Variants in GCNT1 observed in about 807,000 individuals in gnomAD.
The protein encoded by GCNT1 is glucosaminyl (N-acetyl) transferase 1.
Under a neutral mutation model 26.2 loss-of-function variants are expected in GCNT1, and 16 were observed. That is an observed-to-expected ratio of 0.61 (90% CI 0.41 to 0.93). The LOEUF is 0.93. GCNT1 is among the 40% of genes least tolerant of loss of function. The pLI is 0.00. For missense variants in GCNT1, 477 were observed against 526.7 expected, an observed-to-expected ratio of 0.91 and a Z score of 0.92; for synonymous variants, 183 against 190.8, an observed-to-expected ratio of 0.96 and a Z score of 0.34.
chr9:76,476,663 T>C (rs75825401), intron 2 of GCNT1, among the ~76,000 whole-genome samples: 3,798 of 152,300 alleles, frequency 0.025, 156 homozygotes, highest in African/African-American at 0.086. Context: ...GGACAGGTTT[T>C]TTCCATGTAA....
At chr9:76,494,242 G>A (rs587171) in intron 2 of GCNT1, among the ~76,000 whole-genome samples, 2 of 152,072 alleles carry the variant, frequency 1.3e-5, no homozygotes, top group East Asian at 1.9e-4. Flanking sequence ...GCACCCTTGC[G>A]TATTCTCCTG....
chr9:76,400,641 A>G, the GCNT1 span, among the ~76,000 whole-genome samples: 3 of 152,300 alleles, frequency 2.0e-5, no homozygotes, highest in East Asian at 5.8e-4. Context: ...CAATTCCTCT[A>G]ACTCACTCTT....
rs5898483 is a variant in GCNT1, at chr9:76,505,636, C to CAGT, written c.*1971_*1973dup. ...TTGCAAATCTACAGCAAAAGTAAAACAGTAGAGTGAACACCATGTAACCCT... is the reference window on the plus strand; with the variant it reads ...TTGCAAATCTACAGCAAAAGTAAAACAGTAGTAGAGTGAACACCATGTAACCCT... On this transcript the variant is annotated 3_prime_UTR_variant, in exon 4 of 4. Coordinates refer to ENST00000376730, the MANE Select transcript of GCNT1 (RefSeq NM_001490.5). 0.42 allele frequency: 70,024 copies of CAGT among 166,628 alleles called. 15,858 individuals carry two copies. Among genetic ancestry groups the CAGT allele is most frequent in the African/African-American group, 0.59 (24,530 of 41,318 alleles). 10.3% of individuals were successfully genotyped at this position (166,628 alleles called of 1,614,324 possible). A position where few individuals can be genotyped will look rare whatever the true frequency, so the allele number is the denominator to read the frequency against.
chr9:76,467,331 C>T (rs904100086), intron 2 of GCNT1, among the ~76,000 whole-genome samples: 1 of 152,158 alleles, frequency 6.6e-6, no homozygotes. Flanking sequence ...CGTGAGCCAC[C>T]TCACCCAGCC....
intron 1 of GCNT1, among the ~76,000 whole-genome samples, chr9:76,447,317 GCAGCCT>G (rs1443554776): frequency 1.3e-5 from 2 of 151,482 alleles, no homozygotes; most frequent in Non-Finnish European, 2.9e-5. Context: ...ACCACTCACT[GCAGCCT>G]CAACCTCCCG....
At chr9:76,398,901 T>C in the GCNT1 span, 1 of 1,544,858 alleles carries the variant, frequency 6.5e-7, no homozygotes, top group Non-Finnish European at 8.8e-7. Context: ...ATTGTTGCCA[T>C]TGAAAACCCT....
intron 2 of GCNT1, among the ~76,000 whole-genome samples, chr9:76,488,397 A>G (rs1824639237): frequency 1.3e-5 from 2 of 151,416 alleles, no homozygotes. Context: ...AAATTACTGT[A>G]TGTTTTGTTT....
intron 1 of GCNT1, among the ~76,000 whole-genome samples, chr9:76,434,065 G>T (rs1823372124): frequency 6.6e-6 from 1 of 152,202 alleles, no homozygotes; most frequent in African/African-American, 2.4e-5. Flanking sequence ...ACTCAGATCA[G>T]AGTCACATCT....
intron 1 of GCNT1, among the ~76,000 whole-genome samples, chr9:76,453,736 G>C (rs1436672432): frequency 6.6e-6 from 1 of 152,188 alleles, no homozygotes; most frequent in African/African-American, 2.4e-5. Flanking sequence ...ACCTCTTACT[G>C]TTCTTCAACA....
chr9:76,394,229 C>A, the GCNT1 span: 5 of 1,515,154 alleles, frequency 3.3e-6, no homozygotes, highest in African/African-American at 1.4e-5. Context: ...GCGGAGCCGC[C>A]GTCGACGCGG....
chr9:76,408,503 A>T, the GCNT1 span, among the ~76,000 whole-genome samples: 1 of 152,078 alleles, frequency 6.6e-6, no homozygotes, highest in African/African-American at 2.4e-5. Flanking sequence ...TTGCAGCCTC[A>T]GTTCAAAGGA....
the GCNT1 span, among the ~76,000 whole-genome samples, chr9:76,402,256 G>T: frequency 6.6e-6 from 1 of 152,092 alleles, no homozygotes; most frequent in African/African-American, 2.4e-5. Context: ...ATATTTTTTG[G>T]TTAACACATC....
In GCNT1 at chr9:76,443,900, AG is replaced by A. The variant is rs1446695121; in HGVS notation, c.-290+1587del. Among the ~76,000 whole-genome samples the A allele has an allele frequency of 8.2e-3, 375 of 45,802 alleles. 2 individuals are homozygous for A. Among genetic ancestry groups the A allele is most frequent in the Non-Finnish European group, 0.011 (220 of 19,988 alleles). 30.0% of individuals were successfully genotyped at this position (45,802 alleles called of 152,430 possible). On this transcript the variant is annotated intron_variant, in intron 1 of 2. Coordinates refer to the GCNT1 transcript ENST00000442371. ...AGGAAAGAAAGAAAGAAAGAAAGAAAGGAAGAAAGGAAGAAAGGAAGAAAGG... is the reference window on the plus strand; with the variant it reads ...AGGAAAGAAAGAAAGAAAGAAAGAAAGAAGAAAGGAAGAAAGGAAGAAAGG...
chr9:76,501,376 T>A (rs929939816), intron 3 of GCNT1, among the ~76,000 whole-genome samples: 1 of 152,358 alleles, frequency 6.6e-6, no homozygotes, highest in Non-Finnish European at 1.5e-5. Flanking sequence ...AAAAGTGGGT[T>A]GTGTTCCTGG....
chr9:76,497,240 A>T (rs1016811871), intron 2 of GCNT1, among the ~76,000 whole-genome samples: 3 of 152,204 alleles, frequency 2.0e-5, no homozygotes, highest in Non-Finnish European at 4.4e-5. Flanking sequence ...AATTTTTGGT[A>T]AAGTTGCATT....
In GCNT1 at chr9:76,459,183, CG is replaced by C. The variant is rs961664240; in HGVS notation, c.-529del. On this transcript the variant is annotated 5_prime_UTR_variant, in exon 1 of 4. Coordinates refer to ENST00000376730, the MANE Select transcript of GCNT1 (RefSeq NM_001490.5). ...CTGGGGGCGGCCCCGGGGCGGGCCA[CG>C]CTGGTGTGAGGGCTGCAGGCGCAGC... is the stretch of plus-strand genomic sequence containing the variant. 1.3e-5 allele frequency: 2 copies of C among 152,332 alleles called. No homozygotes were observed. The highest frequency in any genetic ancestry group is 4.8e-5 in the African/African-American group (2 of 41,422). 9.4% of individuals were successfully genotyped at this position (152,332 alleles called of 1,614,324 possible). A position where few individuals can be genotyped will look rare whatever the true frequency, so the allele number is the denominator to read the frequency against.
intron 2 of GCNT1, among the ~76,000 whole-genome samples, chr9:76,481,560 T>C (rs138592140): frequency 8.5e-5 from 13 of 152,262 alleles, no homozygotes; most frequent in African/African-American, 2.9e-4. Flanking sequence ...GTATCAGTTA[T>C]ATATAAAAGC....
chr9:76,455,173 C>T (rs1156553748), upstream of GCNT1, among the ~76,000 whole-genome samples: 2 of 152,000 alleles, frequency 1.3e-5, no homozygotes, highest in African/African-American at 4.8e-5. Flanking sequence ...TATAAATCAT[C>T]CAGTCTCAGA....
At chr9:76,480,335 C>T (rs62565116) in intron 2 of GCNT1, among the ~76,000 whole-genome samples, 37,146 of 151,508 alleles carry the variant, frequency 0.25, 4,710 homozygotes, top group East Asian at 0.31. Flanking sequence ...CTTGGCAATG[C>T]GGGCTCTTTT....
Sources: gnomAD v4.1 joint callset for allele counts (sites outside exome capture counted in the v4.1 genomes callset) on GRCh38, gnomAD v4.1.1 for gene constraint, MANE v1.5 for transcripts, NCBI Gene and HGNC (gene_info 2026-07-23, HGNC 2026-07-21) for gene names.